NEDD1: variants seen among roughly 807,000 people sequenced by gnomAD.
The protein encoded by NEDD1 is protein NEDD1.
In NEDD1, 33 loss-of-function variants were observed where a neutral mutation model predicts 74.0. The observed-to-expected ratio is 0.45, with a 90% CI of 0.34 to 0.60. The LOEUF (loss-of-function observed/expected upper bound fraction) is 0.60. Ranked by LOEUF, NEDD1 falls within the 20% of genes least tolerant of loss-of-function variation. The probability of loss-of-function intolerance (pLI) is 0.01; values close to 1 mark genes in which losing one functional copy is unlikely to be tolerated. For missense variants in NEDD1, 746 were observed against 776.5 expected (o/e 0.96, Z 0.47); for synonymous variants, 250 against 264.4 (o/e 0.95, Z 0.53).
At chr12:96,928,615 A>G (rs1242340939) in intron 6 of NEDD1, among the ~76,000 whole-genome samples, 2 of 140,930 alleles carry the variant, frequency 1.4e-5, no homozygotes, top group African/African-American at 2.6e-5. Flanking sequence ...AAGCCACGTA[A>G]TTTTTCTAGA....
chr12:96,911,643 AAAG>A (rs1157271545), intron 3 of NEDD1, among the ~76,000 whole-genome samples: 1 of 152,236 alleles, frequency 6.6e-6, no homozygotes, highest in Non-Finnish European at 1.5e-5. Flanking sequence ...GAGAAATAAA[AAAG>A]AACTAGATTA....
In NEDD1 at chr12:96,919,884, T is replaced by C. The variant is rs1428598278; in HGVS notation, c.349-101T>C. On this transcript the variant is annotated intron_variant, in intron 5 of 15. Transcript: ENST00000266742. ...TTTGAGGAAAATGTTAAAGCAAATATTAGATTGATAAATACATAATGTATG... is the reference window on the plus strand; with the variant it reads ...TTTGAGGAAAATGTTAAAGCAAATACTAGATTGATAAATACATAATGTATG... 8.4e-6 allele frequency: 6 copies of C among 710,244 alleles called. No homozygotes were observed. In the Admixed American group the frequency reaches 1.4e-4, roughly 16 times the overall value. The allele number at this position is 710,244 out of a possible 1,614,324, so 44.0% of individuals were successfully genotyped here.
rs771770213 is a variant in NEDD1, at chr12:96,952,072, AATGTT to A, written c.*20_*24del. The A allele has an allele frequency of 7.7e-7, 1 of 1,294,978 alleles. No homozygotes were observed. Among genetic ancestry groups the A allele is most frequent in the Non-Finnish European group, 1.1e-6 (1 of 893,844 alleles). The allele number at this position is 1,294,978 out of a possible 1,614,324, so 80.2% of individuals were successfully genotyped here. A position where few individuals can be genotyped will look rare whatever the true frequency, so the allele number is the denominator to read the frequency against. On this transcript the variant is annotated 3_prime_UTR_variant, in exon 16 of 16. Coordinates refer to ENST00000266742, the MANE Select transcript of NEDD1 (RefSeq NM_152905.4). The stretch of plus-strand genomic sequence containing the variant: ...CTTTTGAAATTTCAGTGAATACCTT[AATGTT>A]CTGTAATTTGGGAAGTTTCTGGCAA...
At chr12:96,918,166 G>T (rs1178141643) in intron 5 of NEDD1, among the ~76,000 whole-genome samples, 1 of 150,146 alleles carries the variant, frequency 6.7e-6, no homozygotes, top group Non-Finnish European at 1.5e-5. Flanking sequence ...GCTCTTGTTT[G>T]TGTTTTTTTT....
intron 6 of NEDD1, among the ~76,000 whole-genome samples, chr12:96,930,055 A>G (rs1198558793): frequency 1.3e-5 from 2 of 151,656 alleles, no homozygotes; most frequent in South Asian, 2.1e-4. Context: ...ACCTCTCAGC[A>G]TGTGTTTGGG....
Position 96,935,032 on chromosome 12 carries a change from G to C in NEDD1, c.546G>C (p.Ser182=), listed in dbSNP as rs770323459. ...LFKKSLLGSV[S]DNGIVTLWDV... is the part of the protein sequence containing the mutation. The stretch of plus-strand genomic sequence containing the variant: ...AGAAATCACTACTGGGCAGTGTTTC[G>C]GATAATGGAATAGTAACTCTCTGGG... The change falls in exon 7 of 16, where the codon TCG becomes TCC. Residue 182 remains serine, a synonymous_variant. Transcript: ENST00000266742. 3.1e-6 allele frequency: 5 copies of C among 1,612,388 alleles called. No individual in the cohort carries two copies. Among genetic ancestry groups the C allele is most frequent in the Non-Finnish European group, 4.2e-6 (5 of 1,178,478 alleles).
At chr12:96,943,863 C>A (rs992429896) in intron 12 of NEDD1, 101 bp downstream of exon 12, 3 of 673,544 alleles carry the variant, frequency 4.5e-6, no homozygotes, top group Admixed American at 2.7e-5. Flanking sequence ...TTGCTATGCA[C>A]TTATTCATAA....
chr12:96,944,768 C>A lies in NEDD1; in HGVS notation c.1627C>A (p.Pro543Thr). ...AATTGAAGCCCAGTTGATATGTGAA[C>A]CCCCAATCAATGGATCCTCAACTCC... Reference protein sequence around the residue: ...NEIEAQLICEPPINGSSTPNP... With the variant: ...NEIEAQLICETPINGSSTPNP... Residue 543 changes from proline (P) to threonine (T), a missense_variant, in exon 13 of 16, where the codon CCC becomes ACC. By Grantham distance (38) the Pro-to-Thr change is conservative. This residue lies in a region of NEDD1 where 706 missense variants were observed against 706.7 expected (regional missense o/e 1.00). Coordinates refer to ENST00000266742, the MANE Select transcript of NEDD1 (RefSeq NM_152905.4). 2 of 1,572,128 alleles carry A rather than the reference C, an allele frequency of 1.3e-6. No homozygotes were observed. Among genetic ancestry groups the A allele is most frequent in the Non-Finnish European group, 1.7e-6 (2 of 1,163,512 alleles).
chr12:96,944,833 G>T, intron 13 of NEDD1, 38 bp downstream of exon 13: 1 of 1,432,692 alleles, frequency 7.0e-7, no homozygotes, highest in East Asian at 2.5e-5. Context: ...GAAAGTGTTT[G>T]ATTGAAAAAT....
chr12:96,912,585 C>T (rs1164561055), intron 3 of NEDD1, 138 bp from the exon 4 acceptor site: 2 of 502,336 alleles, frequency 4.0e-6, no homozygotes, highest in Non-Finnish European at 7.1e-6. Flanking sequence ...TAATGTGAGC[C>T]ATTTTTGAAA....
chr12:96,918,980 GTA>G (rs574725580), intron 5 of NEDD1, among the ~76,000 whole-genome samples: 5 of 152,262 alleles, frequency 3.3e-5, no homozygotes, highest in Non-Finnish European at 7.4e-5. Context: ...TGAAAAAGTT[GTA>G]ATATAAGTGG....
Position 96,936,722 on chromosome 12 carries a change from A to C in NEDD1, c.831A>C (p.Leu277Phe), listed in dbSNP as rs1424898679. Residue 277 changes from leucine (L) to phenylalanine (F), a missense_variant, in exon 8 of 16, where the codon TTA (leucine) becomes TTC (phenylalanine). Transcript: ENST00000266742. Reference protein sequence around the residue: ...SSRGKIYQYDLRMLKSPVKTI... With the variant: ...SSRGKIYQYDFRMLKSPVKTI... The stretch of plus-strand genomic sequence containing the variant: ...GGGGGAAAATATATCAATATGATTT[A>C]AGAATGTTGAAATCACCAGTTAAGA... 4.3e-6 allele frequency: 7 copies of C among 1,612,772 alleles called. No homozygotes were observed. In the Admixed American group the frequency reaches 8.3e-5, roughly 19 times the overall value.
chr12:96,923,791 TGTGTGTG>T (rs2136540481), intron 6 of NEDD1, among the ~76,000 whole-genome samples: 1 of 34,472 alleles, frequency 2.9e-5, no homozygotes, highest in Admixed American at 2.5e-4. Context: ...TACCTGTTTG[TGTGTGTG>T]TGTGTGTGTG....
chr12:96,907,977 C>A, intron 2 of NEDD1, 121 bp downstream of exon 2: 2 of 810,966 alleles, frequency 2.5e-6, no homozygotes, highest in Non-Finnish European at 3.3e-6. Flanking sequence ...TTTTTCTGAG[C>A]CCAGGCCTCA....
Position 96,940,319 on chromosome 12 carries a change from T to C in NEDD1, c.1118-90T>C, listed in dbSNP as rs374405549. On this transcript the variant is annotated intron_variant, in intron 9 of 15. Transcript: ENST00000266742. ...CTCATAGTTGTAATATTACCAACAA[T>C]ATGAGTGATACATTAATTTTTACAA... The C allele has an allele frequency of 4.4e-6, 3 of 675,678 alleles. No homozygotes were observed. In the East Asian group the frequency reaches 8.6e-5, roughly 19 times the overall value. The allele number at this position is 675,678 out of a possible 1,614,324, so 41.9% of individuals were successfully genotyped here.
chr12:96,951,806 C>T (rs918409430), intron 15 of NEDD1, 143 bp from the exon 16 acceptor site: 6 of 568,444 alleles, frequency 1.1e-5, no homozygotes, highest in Non-Finnish European at 1.5e-5. Context: ...TATTAACAAA[C>T]TAGTAAGTTG....
chr12:96,933,452 A>G (rs1876763410), intron 6 of NEDD1, among the ~76,000 whole-genome samples: 1 of 152,184 alleles, frequency 6.6e-6, no homozygotes, highest in African/African-American at 2.4e-5. Context: ...TGTCTTTTAT[A>G]TAGTTAACAT....
intron 6 of NEDD1, among the ~76,000 whole-genome samples, chr12:96,929,598 CACAT>C (rs1423868186): frequency 2.5e-4 from 17 of 67,564 alleles, no homozygotes; most frequent in African/African-American, 7.2e-4. Flanking sequence ...CACACACACA[CACAT>C]ATGTGTATAT....
At chr12:96,914,871 T>C (rs1054192692) in intron 4 of NEDD1, among the ~76,000 whole-genome samples, 23 of 152,250 alleles carry the variant, frequency 1.5e-4, no homozygotes, top group African/African-American at 5.3e-4. Flanking sequence ...AAAAAAGACC[T>C]ATCAACAGGG....
Sources: allele counts gnomAD v4.1 joint callset (sites outside exome capture counted in the v4.1 genomes callset), GRCh38; gene constraint gnomAD v4.1.1; regional missense constraint gnomAD v4.1.1; transcripts MANE v1.5; gene names NCBI Gene and HGNC (gene_info 2026-07-23, HGNC 2026-07-21).